The following GPR158 variants were observed in gnomAD, a reference collection of about 807,000 sequenced individuals.
GPR158 encodes G protein-coupled receptor 158, also known as metabotropic glycine receptor.
In GPR158, 30 loss-of-function variants were observed where a neutral mutation model predicts 78.2. The ratio of observed to expected loss-of-function variants is 0.38; its 90% CI spans 0.29 to 0.52. The LOEUF (loss-of-function observed/expected upper bound fraction) is 0.52, where lower values mean the gene tolerates loss of function less well. Among genes scored for constraint, GPR158 ranks in the 20% least tolerant of loss-of-function variants. GPR158 has a pLI of 0.83. For synonymous variants in GPR158, 581 were observed against 591.1 expected, an observed-to-expected ratio of 0.98 and a Z score of 0.25; for missense variants, 1,463 against 1,523.5, an observed-to-expected ratio of 0.96 and a Z score of 0.66.
At position 25,305,599 on chromosome 10, in the gene GPR158, C is replaced by T. The variant is rs77549517; in HGVS notation, c.1008+84442C>T. Among the ~76,000 whole-genome samples the T allele has an allele frequency of 1.7e-3, 261 of 152,034 alleles. 7 individuals carry two copies. In the East Asian group the frequency reaches 0.043, roughly 25 times the overall value. The stretch of plus-strand genomic sequence containing the variant: ...TGCCTGTGTTGTGCTAAGGATGATT[C>T]GGAGGTAAAAAAAGAAGGAGAGAGA... On this transcript the variant is annotated intron_variant, in intron 2 of 10. Coordinates refer to ENST00000376351, the MANE Select transcript of GPR158 (RefSeq NM_020752.3).
intron 1 of GPR158, among the ~76,000 whole-genome samples, chr10:25,189,210 G>A (rs1451552876): frequency 6.6e-6 from 1 of 152,200 alleles, no homozygotes; most frequent in Admixed American, 6.5e-5. Flanking sequence ...TTCAACCATT[G>A]TGGAAGATAG....
intron 2 of GPR158, among the ~76,000 whole-genome samples, chr10:25,312,014 A>G (rs1305231604): frequency 6.6e-6 from 1 of 151,988 alleles, no homozygotes; most frequent in Non-Finnish European, 1.5e-5. Context: ...TGCAATATTT[A>G]TTTTGGTCAA....
chr10:25,384,469 T>C (rs1437550333), intron 2 of GPR158, among the ~76,000 whole-genome samples: 3 of 152,224 alleles, frequency 2.0e-5, no homozygotes, highest in Non-Finnish European at 2.9e-5. Flanking sequence ...CAGAAGAAGA[T>C]GTTAAATTCT....
intron 2 of GPR158, among the ~76,000 whole-genome samples, chr10:25,260,280 A>G (rs955484623): frequency 1.3e-5 from 2 of 151,770 alleles, no homozygotes; most frequent in African/African-American, 4.8e-5. Context: ...TCCCCTTATA[A>G]CTCTCCTTCA....
intron 4 of GPR158, among the ~76,000 whole-genome samples, chr10:25,425,271 A>G (rs963550987): frequency 2.6e-5 from 4 of 152,070 alleles, no homozygotes; most frequent in African/African-American, 9.7e-5. Context: ...TGTTTTCCAT[A>G]GTAGTTTTAC....
chr10:25,586,015 A>G (rs1234531899), intron 7 of GPR158, among the ~76,000 whole-genome samples: 1 of 152,182 alleles, frequency 6.6e-6, no homozygotes, highest in African/African-American at 2.4e-5. Flanking sequence ...TGGAGTGTTC[A>G]GAGGACAAAG....
rs1024406728 is a variant in GPR158 at position 25,454,422 on chromosome 10, G to C, written c.1336-12229G>C. On this transcript the variant is annotated intron_variant, in intron 4 of 10. Transcript: ENST00000376351. ...CTTTTTCTTTATAAGACAGATTAAG[G>C]CGTGGAAGAAATTGAAAGTTATGGA... is the stretch of plus-strand genomic sequence containing the variant. 2.6e-5 allele frequency among the ~76,000 whole-genome samples: 4 copies of C among 152,080 alleles called. No individual in the cohort carries two copies. The East Asian group carries it at 7.7e-4, about 29-fold the overall frequency.
rs1012379336 is a variant in GPR158 at position 25,598,501 on chromosome 10, C to A, written c.2875C>A (p.Gln959Lys). ...DNTETKDPAP[Q>K]NSNPAEEPRK... ...CACAGAGACTAAAGATCCTGCCCCC[C>A]AAAACTCAAATCCTGCGGAGGAGCC... The change falls in exon 11 of 11, where the codon CAA (glutamine) becomes AAA (lysine). Residue 959 changes from glutamine (Q) to lysine (K), a missense_variant. Coordinates refer to ENST00000376351, the MANE Select transcript of GPR158 (RefSeq NM_020752.3). 2 of 1,613,888 alleles carry A rather than the reference C, an allele frequency of 1.2e-6. No individual in the cohort carries two copies. The highest frequency in any genetic ancestry group is 1.7e-5 in the Admixed American group (1 of 59,976).
chr10:25,292,902 C>T (rs555505990), intron 2 of GPR158, among the ~76,000 whole-genome samples: 9 of 152,108 alleles, frequency 5.9e-5, no homozygotes, highest in Non-Finnish European at 1.3e-4. Context: ...GCAAACAATG[C>T]TGGACAATGA....
At chr10:25,491,075 G>T (rs988471579) in intron 5 of GPR158, among the ~76,000 whole-genome samples, 10 of 152,078 alleles carry the variant, frequency 6.6e-5, no homozygotes, top group African/African-American at 2.4e-4. Context: ...AAAGCATGAA[G>T]AATTGAGCTT....
At chr10:25,425,307 A>G (rs953464243) in intron 4 of GPR158, among the ~76,000 whole-genome samples, 3 of 152,142 alleles carry the variant, frequency 2.0e-5, no homozygotes, top group African/African-American at 7.2e-5. Context: ...CCAATAGTGT[A>G]AAAGTGTTCT....
intron 2 of GPR158, among the ~76,000 whole-genome samples, chr10:25,304,045 C>T (rs990323520): frequency 6.6e-6 from 1 of 152,134 alleles, no homozygotes; most frequent in Non-Finnish European, 1.5e-5. Context: ...TATCTTGGAA[C>T]TTTCTAAGCA....
chr10:25,476,909 G>A (rs918178988), intron 5 of GPR158, among the ~76,000 whole-genome samples: 1 of 152,084 alleles, frequency 6.6e-6, no homozygotes, highest in African/African-American at 2.4e-5. Flanking sequence ...GACTAAATGT[G>A]TAAGTTCCCG....
intron 2 of GPR158, among the ~76,000 whole-genome samples, chr10:25,345,229 C>T (rs1319334174): frequency 6.6e-6 from 1 of 151,976 alleles, no homozygotes; most frequent in East Asian, 1.9e-4. Flanking sequence ...AAGGGACCCT[C>T]TTGCTGGTTC....
chr10:25,290,623 A>C (rs1328178068), intron 2 of GPR158, among the ~76,000 whole-genome samples: 2 of 152,198 alleles, frequency 1.3e-5, no homozygotes, highest in African/African-American at 4.8e-5. Context: ...CTTTGTCATT[A>C]GCAATGGAAA....
intron 2 of GPR158, among the ~76,000 whole-genome samples, chr10:25,348,707 T>C (rs1293250706): frequency 2.6e-5 from 4 of 152,002 alleles, no homozygotes; most frequent in Non-Finnish European, 5.9e-5. Flanking sequence ...GATTCCTCTT[T>C]CTTAATCCAA....
chr10:25,495,905 G>A (rs185028049), intron 5 of GPR158, among the ~76,000 whole-genome samples: 44 of 151,968 alleles, frequency 2.9e-4, no homozygotes, highest in African/African-American at 4.8e-4. Flanking sequence ...AGCACATTCT[G>A]GGCTGAACAA....
chr10:25,228,813 C>T (rs1275571097), intron 2 of GPR158, among the ~76,000 whole-genome samples: 2 of 151,988 alleles, frequency 1.3e-5, no homozygotes, highest in East Asian at 1.9e-4. Context: ...AGACGGATCA[C>T]GAGGTCAGGA....
intron 5 of GPR158, among the ~76,000 whole-genome samples, chr10:25,521,231 G>T (rs1036068533): frequency 6.6e-6 from 1 of 152,156 alleles, no homozygotes; most frequent in African/African-American, 2.4e-5. Context: ...GCTCGCGCAC[G>T]GTGCACGCAC....
Sources: allele counts gnomAD v4.1 joint callset (sites outside exome capture counted in the v4.1 genomes callset), GRCh38; gene constraint gnomAD v4.1.1; transcripts MANE v1.5; gene names NCBI Gene and HGNC (gene_info 2026-07-23, HGNC 2026-07-21).